The following TATDN2 variants were observed in gnomAD, a reference collection of about 807,000 sequenced individuals.
TATDN2 encodes 3'-5' RNA nuclease TATDN2.
TATDN2 carries 44 observed loss-of-function variants against 60.3 expected under a neutral mutation model. That is an observed-to-expected ratio of 0.73 (90% CI 0.57 to 0.94). The LOEUF is 0.94. TATDN2 is among the 40% of genes least tolerant of loss of function. TATDN2 has a pLI of 0.00. For missense variants in TATDN2, 997 were observed against 948.0 expected (o/e 1.05, Z -0.68); for synonymous variants, 399 against 355.8 (o/e 1.12, Z -1.37).
chr3:10,249,422 C>G lies in TATDN2; in HGVS notation c.222C>G (p.Ser74=), dbSNP rs1424289826. Residue 74 remains serine (S), a synonymous_variant, in exon 2 of 8, where the codon TCC becomes TCG. Transcript: ENST00000448281. Reference sequence around the variant, plus strand: ...CGCGGAGGTTATCCTGGGGCTCATCCCGCCGCAGAAATAACTCCTCCTCCT... The same window carrying G: ...CGCGGAGGTTATCCTGGGGCTCATCGCGCCGCAGAAATAACTCCTCCTCCT... ...ACSRRLSWGS[S]RRRNNSSSSF... 1.2e-6 allele frequency: 2 copies of G among 1,613,878 alleles called. No homozygotes were observed. The highest frequency in any genetic ancestry group is 2.2e-5 in the South Asian group (2 of 91,082).
intron 2 of TATDN2, among the ~76,000 whole-genome samples, chr3:10,252,852 C>T (rs2125171266): frequency 8.1e-6 from 1 of 123,032 alleles, no homozygotes; most frequent in East Asian, 3.5e-4. Context: ...ACCTGCCTGG[C>T]TAATTTTTTT....
intron 3 of TATDN2, among the ~76,000 whole-genome samples, chr3:10,264,227 C>T (rs1225551750): frequency 2.6e-5 from 4 of 152,176 alleles, no homozygotes; most frequent in African/African-American, 9.7e-5. Flanking sequence ...CCAGTTCCTC[C>T]AGTTCCCAAG....
intron 3 of TATDN2, among the ~76,000 whole-genome samples, chr3:10,267,071 A>C (rs1449233220): frequency 6.6e-6 from 1 of 151,734 alleles, no homozygotes; most frequent in Non-Finnish European, 1.5e-5. Flanking sequence ...AGGCGTGCAC[A>C]ACCGCATTTG....
In TATDN2 at chr3:10,249,309, C is replaced by T; in HGVS notation, c.109C>T (p.Arg37Trp). ...REPCDVAPSS[R>W]PAQRSASRSG... is the part of the protein sequence containing the mutation. ...GCCCTGTGATGTGGCCCCCTCCAGC[C>T]GGCCAGCTCAGAGGTCTGCGTCGCG... The change falls in exon 2 of 8, where the codon CGG (arginine) becomes TGG (tryptophan). Residue 37 changes from arginine (R) to tryptophan (W), a missense_variant. By Grantham distance (101) the Arg-to-Trp change is moderately radical. Transcript: ENST00000448281. 2.5e-6 allele frequency: 4 copies of T among 1,607,546 alleles called. No homozygotes were observed. Among genetic ancestry groups the T allele is most frequent in the Non-Finnish European group, 2.6e-6 (3 of 1,175,628 alleles).
chr3:10,272,596 G>A (rs1263786920), intron 4 of TATDN2, among the ~76,000 whole-genome samples: 4 of 152,044 alleles, frequency 2.6e-5, no homozygotes, highest in Admixed American at 1.3e-4. Flanking sequence ...CCGCCACCAC[G>A]CCCAGCTAAT....
At chr3:10,275,698 A>G (rs993987232) in intron 4 of TATDN2, among the ~76,000 whole-genome samples, 11 of 152,276 alleles carry the variant, frequency 7.2e-5, no homozygotes, top group South Asian at 6.2e-4. Context: ...GTGAGCTGCA[A>G]TTGCACCACT....
intron 2 of TATDN2, among the ~76,000 whole-genome samples, chr3:10,255,248 G>A (rs188279923): frequency 1.6e-4 from 24 of 151,062 alleles, no homozygotes; most frequent in Non-Finnish European, 2.4e-4. Flanking sequence ...TTGTGGGCTC[G>A]AGTGATCTGC....
At chr3:10,277,835 C>T (rs1698661221) in intron 5 of TATDN2, among the ~76,000 whole-genome samples, 1 of 152,192 alleles carries the variant, frequency 6.6e-6, no homozygotes, top group African/African-American at 2.4e-5. Flanking sequence ...AGAACATGAA[C>T]AGGTATCAGA....
In TATDN2 at chr3:10,278,970, T is replaced by C; in HGVS notation, c.2231T>C (p.Leu744Pro). The C allele has an allele frequency of 6.2e-7, 1 of 1,614,112 alleles. No individual in the cohort carries two copies. The stretch of plus-strand genomic sequence containing the variant: ...ATTGCCAGAGTCAAAGATCAGCCAC[T>C]CTCCCTCACCTTGGCTGCCTTGCGT... ...REIARVKDQPLSLTLAALREN... is the reference protein window; with the variant it reads ...REIARVKDQPPSLTLAALREN... Residue 744 changes from leucine to proline, a missense_variant, in exon 7 of 8, where the codon CTC becomes CCC. Physicochemically the swap from Leu to Pro is moderately conservative, Grantham distance 98. Transcript: ENST00000448281. The surrounding 1 kb of genome is among the most constrained non-coding windows in gnomAD (Gnocchi z 4.7).
chr3:10,264,818 A>G (rs1222922449), intron 3 of TATDN2, among the ~76,000 whole-genome samples: 1 of 151,924 alleles, frequency 6.6e-6, no homozygotes, highest in Non-Finnish European at 1.5e-5. Context: ...TGCTGGGACT[A>G]TAGGCGCATG....
rs796938294 is a variant in TATDN2, at chr3:10,269,982, C to A, written c.949-149C>A. 2.3e-5 allele frequency: 23 copies of A among 1,010,998 alleles called. No homozygotes were observed. In the African/African-American group the frequency reaches 3.2e-4, roughly 14 times the overall value. 62.6% of individuals were successfully genotyped at this position (1,010,998 alleles called of 1,614,324 possible). A position where few individuals can be genotyped will look rare whatever the true frequency, so the allele number is the denominator to read the frequency against. ...GACATTTCTGGAAATTGTAAGGAAACCAGGTGACAGGGTGAGCTAATGAGC... is the reference window on the plus strand; with the variant it reads ...GACATTTCTGGAAATTGTAAGGAAAACAGGTGACAGGGTGAGCTAATGAGC... On this transcript the variant is annotated intron_variant, in intron 3 of 7. Transcript: ENST00000448281.
intron 4 of TATDN2, among the ~76,000 whole-genome samples, chr3:10,275,854 C>A (rs1013152824): frequency 6.6e-6 from 1 of 152,202 alleles, no homozygotes; most frequent in Non-Finnish European, 1.5e-5. Context: ...AGCCAGGCAC[C>A]TTGCTGGAGA....
rs1273232681 is a variant in TATDN2, at chr3:10,249,445, CCTCCTT to C, written c.250_255del (p.Phe84_Ser85del). On this transcript the variant is annotated inframe_deletion, in exon 2 of 8. Transcript: ENST00000448281. ...TCCCGCCGCAGAAATAACTCCTCCT[CCTCCTT>C]CTCCCCACATTTCTTGGGCCCTGGT... 6.2e-7 allele frequency: 1 copy of C among 1,613,988 alleles called. No homozygotes were observed.
At chr3:10,254,810 G>A (rs1009698949) in intron 2 of TATDN2, among the ~76,000 whole-genome samples, 12 of 152,056 alleles carry the variant, frequency 7.9e-5, no homozygotes, top group African/African-American at 2.2e-4. Flanking sequence ...CAGGAAGAAC[G>A]AACTCTCCCC....
intron 3 of TATDN2, among the ~76,000 whole-genome samples, chr3:10,269,097 G>C (rs991727515): frequency 6.6e-6 from 1 of 152,138 alleles, no homozygotes; most frequent in Non-Finnish European, 1.5e-5. Flanking sequence ...CTTACATGGT[G>C]GACAGATGTT....
intron 3 of TATDN2, among the ~76,000 whole-genome samples, chr3:10,265,238 G>A (rs1698460886): frequency 1.3e-5 from 2 of 149,512 alleles, no homozygotes; most frequent in African/African-American, 4.9e-5. Context: ...CACCATGCCT[G>A]GCTAATTTTT....
chr3:10,254,420 G>T (rs1015217695), intron 2 of TATDN2, among the ~76,000 whole-genome samples: 3 of 152,160 alleles, frequency 2.0e-5, no homozygotes, highest in Non-Finnish European at 4.4e-5. Flanking sequence ...GAGTGCTTGG[G>T]GCACTGCTGG....
At chr3:10,272,774 C>T (rs2125180123) in intron 4 of TATDN2, among the ~76,000 whole-genome samples, 1 of 151,902 alleles carries the variant, frequency 6.6e-6, no homozygotes, top group South Asian at 2.1e-4. Flanking sequence ...GTGACTCATG[C>T]CTGTAATCCC....
chr3:10,278,998 G>A lies in TATDN2; in HGVS notation c.2259G>A (p.Glu753=). ...CCCTCACCTTGGCTGCCTTGCGTGA[G>A]AACACCAGTCGCCTCTACAGTCTTT... ...PLSLTLAALR[E]NTSRLYSL The change falls in exon 7 of 8, where the codon GAG becomes GAA. Residue 753 remains glutamate, a synonymous_variant. Coordinates refer to ENST00000448281, the MANE Select transcript of TATDN2 (RefSeq NM_014760.4). This position sits in a 1 kb window ranked among gnomAD's most constrained non-coding sequence, Gnocchi z 4.7. 1 of 1,614,228 alleles carries A rather than the reference G, an allele frequency of 6.2e-7. No homozygotes were observed. Among genetic ancestry groups the A allele is most frequent in the South Asian group, 1.1e-5 (1 of 91,074 alleles).
Sources: gnomAD v4.1 joint callset for allele counts (sites outside exome capture counted in the v4.1 genomes callset) on GRCh38, gnomAD v4.1.1 for gene constraint, Gnocchi (gnomAD v3.1) non-coding constraint, MANE v1.5 for transcripts, NCBI Gene and HGNC (gene_info 2026-07-23, HGNC 2026-07-21) for gene names.